Variants in SPTBN1 observed in about 807,000 individuals in gnomAD.
SPTBN1 encodes spectrin beta, non-erythrocytic 1, also known as spectrin beta chain, non-erythrocytic 1.
Under a neutral mutation model 266.4 loss-of-function variants are expected in SPTBN1, and 32 were observed. The ratio of observed to expected loss-of-function variants is 0.12; its 90% CI spans 0.09 to 0.16. The LOEUF is 0.16. Among genes scored for constraint, SPTBN1 ranks in the 10% least tolerant of loss-of-function variants. The probability of loss-of-function intolerance (pLI) is 1.00; values close to 1 mark genes in which losing one functional copy is unlikely to be tolerated. For synonymous variants in SPTBN1, 1,336 were observed against 1,162.2 expected (o/e 1.15, Z -3.04); for missense variants, 2,296 against 3,067.1 (o/e 0.75, Z 5.94).
chr2:54,613,912 C>T (rs997704755), intron 4 of SPTBN1, among the ~76,000 whole-genome samples: 1 of 152,156 alleles, frequency 6.6e-6, no homozygotes, highest in Non-Finnish European at 1.5e-5. Context: ...ATAATCAGAG[C>T]GTGGAAGGCC....
At chr2:54,641,747 C>A (rs1008684556) in intron 18 of SPTBN1, among the ~76,000 whole-genome samples, 7 of 143,580 alleles carry the variant, frequency 4.9e-5, no homozygotes, top group South Asian at 2.4e-4. Flanking sequence ...CACCCACTTT[C>A]AGAGCCAGAG....
At chr2:54,640,134 A>G (rs186427071) in intron 18 of SPTBN1, among the ~76,000 whole-genome samples, 4 of 152,146 alleles carry the variant, frequency 2.6e-5, no homozygotes, top group African/African-American at 4.8e-5. Flanking sequence ...AAACTTTTCC[A>G]TCATTCAGCC....
At chr2:54,600,506 G>T (rs560339035) in intron 3 of SPTBN1, among the ~76,000 whole-genome samples, 50 of 152,314 alleles carry the variant, frequency 3.3e-4, no homozygotes, top group African/African-American at 1.2e-3. Context: ...TGTGGTCTGG[G>T]GGTGAGGGAG....
intron 2 of SPTBN1, among the ~76,000 whole-genome samples, chr2:54,587,518 T>G (rs886637367): frequency 1.3e-5 from 2 of 152,204 alleles, no homozygotes; most frequent in Middle Eastern, 3.2e-3. Context: ...AGTTCTAAGT[T>G]TTTCCTAACT....
At chr2:54,544,967 C>T (rs4671954) in intron 2 of SPTBN1, among the ~76,000 whole-genome samples, 102,624 of 151,888 alleles carry the variant, frequency 0.68, 34,830 homozygotes, top group Non-Finnish European at 0.7. Context: ...TGATGTTCCC[C>T]GCCCTGTGTG....
At chr2:54,519,734 C>G (rs1166837247) in intron 1 of SPTBN1, among the ~76,000 whole-genome samples, 1 of 152,094 alleles carries the variant, frequency 6.6e-6, no homozygotes, top group Non-Finnish European at 1.5e-5. Flanking sequence ...AGCACGGTCC[C>G]TCTGGTAGCA....
intron 1 of SPTBN1, among the ~76,000 whole-genome samples, chr2:54,489,207 C>G (rs1019088907): frequency 6.7e-6 from 1 of 149,272 alleles, no homozygotes; most frequent in Non-Finnish European, 1.5e-5. Context: ...TACAGTCCCA[C>G]CTACTCAGGA....
At position 54,653,784 on chromosome 2, in the gene SPTBN1, G is replaced by A; in HGVS notation, c.5753G>A (p.Ser1918Asn). ...ACAGGGGACAAGTTCCGCTTCTTCA[G>A]CATGGTGCGCGACCTCATGCTCTGG... ...VDTGDKFRFFSMVRDLMLWME... is the reference protein window; with the variant it reads ...VDTGDKFRFFNMVRDLMLWME... The change falls in exon 27 of 36, where the codon AGC (serine) becomes AAC (asparagine). Residue 1918 changes from serine (S) to asparagine (N), a missense_variant. Transcript: ENST00000356805. This position sits in a 1 kb window ranked among gnomAD's most constrained non-coding sequence, Gnocchi z 5.1. 6.2e-7 allele frequency: 1 copy of A among 1,614,240 alleles called. No individual in the cohort carries two copies. The highest frequency in any genetic ancestry group is 1.1e-5 in the South Asian group (1 of 91,090).
intron 1 of SPTBN1, among the ~76,000 whole-genome samples, chr2:54,508,245 G>A (rs926636265): frequency 4.6e-5 from 7 of 152,178 alleles, no homozygotes; most frequent in South Asian, 4.1e-4. Flanking sequence ...AAATGACCAC[G>A]GTGGCCTTCT....
intron 2 of SPTBN1, among the ~76,000 whole-genome samples, chr2:54,575,387 T>C (rs1321066319): frequency 6.6e-6 from 1 of 152,240 alleles, no homozygotes; most frequent in Non-Finnish European, 1.5e-5. Flanking sequence ...GAGTAAATTC[T>C]TCCATTAAAA....
At chr2:54,567,719 A>G (rs1297762798) in intron 2 of SPTBN1, among the ~76,000 whole-genome samples, 2 of 152,120 alleles carry the variant, frequency 1.3e-5, no homozygotes, top group African/African-American at 4.8e-5. Flanking sequence ...TCTTAAATAT[A>G]AATATACCTA....
intron 1 of SPTBN1, among the ~76,000 whole-genome samples, chr2:54,460,496 A>G (rs1238526524): frequency 2.0e-5 from 3 of 152,310 alleles, no homozygotes; most frequent in South Asian, 2.1e-4. Context: ...CTCTGGAAGA[A>G]AAAGGCATTG....
chr2:54,495,763 A>G (rs899224331), intron 1 of SPTBN1, among the ~76,000 whole-genome samples: 2 of 148,526 alleles, frequency 1.3e-5, no homozygotes, highest in Non-Finnish European at 3.0e-5. Flanking sequence ...GAGAGTCTAC[A>G]TATTATATGT....
In SPTBN1 at chr2:54,625,955, T is replaced by C. The variant is rs1297696950; in HGVS notation, c.1365T>C (p.Pro455=). 3 of 1,613,834 alleles carry C rather than the reference T, an allele frequency of 1.9e-6. No individual in the cohort carries two copies. Among genetic ancestry groups the C allele is most frequent in the South Asian group, 1.1e-5 (1 of 91,086 alleles). The change falls in exon 12 of 36, where the codon CCT becomes CCC. Residue 455 remains proline (P), a synonymous_variant. Transcript: ENST00000356805. Reference sequence around the variant, plus strand: ...AGGACAACTTTGGGTTTGACCTTCCTGCAGTTGAGGCCGCCACAAAAAAGC... The same window carrying C: ...AGGACAACTTTGGGTTTGACCTTCCCGCAGTTGAGGCCGCCACAAAAAAGC... ...VSQDNFGFDL[P]AVEAATKKHE... is the part of the protein sequence containing the mutation.
Position 54,647,126 on chromosome 2 carries a change from T to C in SPTBN1, c.4867-5T>C. ...TATGGTTGTGATGTTCTCCTGTCTT[T>C]GCAGGATGAGCAGAGTGCTGTCTCC... is the stretch of plus-strand genomic sequence containing the variant. On this transcript the variant is annotated splice_polypyrimidine_tract_variant and splice_region_variant and intron_variant, in intron 23 of 35. Coordinates refer to ENST00000356805, the MANE Select transcript of SPTBN1 (RefSeq NM_003128.3). The C allele has an allele frequency of 6.2e-7, 1 of 1,614,186 alleles. No homozygotes were observed. Among genetic ancestry groups the C allele is most frequent in the Middle Eastern group, 1.6e-4 (1 of 6,062 alleles).
At chr2:54,518,060 GTGT>G (rs1044285110) in intron 1 of SPTBN1, among the ~76,000 whole-genome samples, 3 of 151,648 alleles carry the variant, frequency 2.0e-5, no homozygotes, top group Non-Finnish European at 4.4e-5. Flanking sequence ...GACTTTTCTT[GTGT>G]TGTTAATTAT....
At chr2:54,488,343 C>T (rs76279463) in intron 1 of SPTBN1, among the ~76,000 whole-genome samples, 14,030 of 152,120 alleles carry the variant, frequency 0.092, 880 homozygotes, top group Non-Finnish European at 0.14. Flanking sequence ...AAGGACCTTT[C>T]GGAGGTCCCT....
At chr2:54,517,794 C>T (rs1463049209) in intron 1 of SPTBN1, among the ~76,000 whole-genome samples, 4 of 151,908 alleles carry the variant, frequency 2.6e-5, no homozygotes, top group Admixed American at 6.6e-5. Flanking sequence ...TATAGGCGCC[C>T]GCCACCTCGC....
chr2:54,559,858 G>GA (rs768313825), intron 2 of SPTBN1, among the ~76,000 whole-genome samples: 44 of 152,184 alleles, frequency 2.9e-4, no homozygotes, highest in Non-Finnish European at 1.0e-4. Flanking sequence ...CTGTGAGGAG[G>GA]AGGAAGGAAG....
Sources: allele counts gnomAD v4.1 joint callset (sites outside exome capture counted in the v4.1 genomes callset), GRCh38; gene constraint gnomAD v4.1.1; non-coding constraint Gnocchi (gnomAD v3.1); transcripts MANE v1.5; gene names NCBI Gene and HGNC (gene_info 2026-07-23, HGNC 2026-07-21).